Variants in GCSH observed in about 807,000 individuals in gnomAD.
The protein encoded by GCSH is glycine cleavage system protein H.
In GCSH, 15 loss-of-function variants were observed where a neutral mutation model predicts 21.3. That is an observed-to-expected ratio of 0.70 (90% CI 0.47 to 1.08). The LOEUF (loss-of-function observed/expected upper bound fraction) is 1.08, where lower values mean the gene tolerates loss of function less well. Among genes scored for constraint, GCSH ranks in the 50% least tolerant of loss-of-function variants. The pLI is 0.00. For synonymous variants in GCSH, 59 were observed against 84.5 expected (o/e 0.70, Z 1.66); for missense variants, 179 against 217.5 (o/e 0.82, Z 1.11).
chr16:81,084,090 C>T, intron 4 of GCSH: 1 of 333,290 alleles, frequency 3.0e-6, no homozygotes, highest in Non-Finnish European at 5.5e-6. Context: ...AGCAATTCTC[C>T]CACCTCAGCC....
intron 1 of GCSH, chr16:81,091,299 T>C: frequency 5.8e-6 from 2 of 344,678 alleles, no homozygotes; most frequent in Admixed American, 8.6e-5. Context: ...AAGATAGCAC[T>C]ACCATCGCTT....
At chr16:81,087,405 C>G (rs1972305353) in intron 3 of GCSH, among the ~76,000 whole-genome samples, 196 bp downstream of exon 3, 1 of 151,370 alleles carries the variant, frequency 6.6e-6, no homozygotes, top group Non-Finnish European at 1.5e-5. Context: ...GCCTGAGACA[C>G]AAGAATCGCT....
At chr16:81,095,456 C>T (rs1972485273) in intron 1 of GCSH, among the ~76,000 whole-genome samples, 1 of 150,290 alleles carries the variant, frequency 6.7e-6, no homozygotes, top group African/African-American at 2.5e-5. Context: ...GATCTCGGCT[C>T]ACTGCAACCT....
chr16:81,093,616 A>G (rs758932995), intron 1 of GCSH, among the ~76,000 whole-genome samples: 6 of 151,942 alleles, frequency 3.9e-5, no homozygotes, highest in Admixed American at 6.6e-5. Context: ...CGAGGCAGGC[A>G]GATCACCTGA....
Position 81,096,383 on chromosome 16 carries a change from G to C in GCSH, c.-105C>G. 1.0e-6 allele frequency: 1 copy of C among 966,434 alleles called. No homozygotes were observed. Among genetic ancestry groups the C allele is most frequent in the African/African-American group, 1.7e-5 (1 of 57,720 alleles). The allele number at this position is 966,434 out of a possible 1,614,324, so 59.9% of individuals were successfully genotyped here. ...GCCGGAGGGAGCCGGCTGGATGGAG[G>C]CGCGGAGGCGGTGCCGCGGGGGCGG... is the stretch of plus-strand genomic sequence containing the variant. On this transcript the variant is annotated 5_prime_UTR_variant, in exon 1 of 5. Coordinates refer to ENST00000315467, the MANE Select transcript of GCSH (RefSeq NM_004483.5).
intron 3 of GCSH, among the ~76,000 whole-genome samples, chr16:81,085,283 G>T (rs915780032): frequency 6.6e-6 from 1 of 152,252 alleles, no homozygotes; most frequent in South Asian, 2.1e-4. Flanking sequence ...AAAGTGCTGG[G>T]ATTATAACCG....
Position 81,084,444 on chromosome 16 carries a change from A to G in GCSH, c.424+19T>C. 1.3e-6 allele frequency: 2 copies of G among 1,596,450 alleles called. No individual in the cohort carries two copies. Among genetic ancestry groups the G allele is most frequent in the South Asian group, 2.2e-5 (2 of 90,704 alleles). On this transcript the variant is annotated intron_variant, in intron 4 of 4. Coordinates refer to ENST00000315467, the MANE Select transcript of GCSH (RefSeq NM_004483.5). The stretch of plus-strand genomic sequence containing the variant: ...TACTGTAGTAGTAATTCCTTGAGAA[A>G]TTTCTAGCAACAGCTTACCATCTTC...
chr16:81,090,345 TAG>T (rs1477491055), intron 2 of GCSH, among the ~76,000 whole-genome samples: 1 of 151,772 alleles, frequency 6.6e-6, no homozygotes, highest in Non-Finnish European at 1.5e-5. Flanking sequence ...GCCTCCTGAG[TAG>T]CTGGGACCAC....
intron 4 of GCSH, chr16:81,084,030 T>C: frequency 5.1e-6 from 1 of 197,020 alleles, no homozygotes; most frequent in Non-Finnish European, 1.0e-5. Flanking sequence ...TGGAGTGGAG[T>C]GGTGCGATCT....
In GCSH at chr16:81,090,618, T is replaced by G. The variant is rs1972379253; in HGVS notation, c.211A>C (p.Ile71Leu). Residue 71 changes from isoleucine (I) to leucine (L), a missense_variant, in exon 2 of 5, where the codon ATC (isoleucine) becomes CTC (leucine). Ile to Leu is a conservative substitution (Grantham distance 5). Coordinates refer to ENST00000315467, the MANE Select transcript of GCSH (RefSeq NM_004483.5). ...TTENGIGTVG[I>L]SNFAQEALGD... ...TCCAATACCTGTGCAAAATTGCTGA[T>G]TCCCACTGTTCCAATGCCATTTTCT... is the stretch of plus-strand genomic sequence containing the variant. 1.2e-6 allele frequency: 2 copies of G among 1,608,908 alleles called. No individual in the cohort carries two copies. The highest frequency in any genetic ancestry group is 1.7e-6 in the Non-Finnish European group (2 of 1,175,464).
intron 4 of GCSH, 179 bp from the exon 5 acceptor site, chr16:81,083,142 T>C: frequency 1.6e-6 from 1 of 625,960 alleles, no homozygotes. Flanking sequence ...ATATAACAAA[T>C]GAAAATAATT....
intron 1 of GCSH, among the ~76,000 whole-genome samples, chr16:81,091,856 T>TG (rs1972405596): frequency 7.0e-6 from 1 of 143,186 alleles, no homozygotes; most frequent in Non-Finnish European, 1.5e-5. Flanking sequence ...CCTGAGCTCA[T>TG]GATCCTCCCA....
At chr16:81,096,040 C>A in intron 1 of GCSH, 91 bp downstream of exon 1, 1 of 1,086,240 alleles carries the variant, frequency 9.2e-7, no homozygotes. Context: ...GGCTCAGGAG[C>A]GGTGCCCCGG....
chr16:81,096,285 A>AG lies in GCSH; in HGVS notation c.-8dup. The AG allele has an allele frequency of 7.3e-7, 1 of 1,366,964 alleles. No individual in the cohort carries two copies. The highest frequency in any genetic ancestry group is 3.6e-5 in the Admixed American group (1 of 27,602). The allele number at this position is 1,366,964 out of a possible 1,614,324, so 84.7% of individuals were successfully genotyped here. On this transcript the variant is annotated 5_prime_UTR_variant, in exon 1 of 5. Transcript: ENST00000315467. Reference sequence around the variant, plus strand: ...GCACCACTCGCAGCGCCATGTTCGCAGGGGTGCGGGGGTCGCAGCGCTACG... The same window carrying AG: ...GCACCACTCGCAGCGCCATGTTCGCAGGGGGTGCGGGGGTCGCAGCGCTACG...
intron 1 of GCSH, among the ~76,000 whole-genome samples, chr16:81,092,243 G>A (rs1206848462): frequency 6.6e-6 from 1 of 151,972 alleles, no homozygotes; most frequent in Non-Finnish European, 1.5e-5. Context: ...ACGGCACCCT[G>A]TACCACTATC....
In GCSH at chr16:81,096,268, C is replaced by A. The variant is rs1316934394; in HGVS notation, c.11G>T (p.Arg4Leu). 6 of 1,366,748 alleles carry A rather than the reference C, an allele frequency of 4.4e-6. No homozygotes were observed. The East Asian group carries it at 1.9e-4, about 42-fold the overall frequency. The allele number at this position is 1,366,748 out of a possible 1,614,324, so 84.7% of individuals were successfully genotyped here. ...CAGGGCCCGCACGCTCCGCACCACTCGCAGCGCCATGTTCGCAGGGGTGCG... is the reference window on the plus strand; with the variant it reads ...CAGGGCCCGCACGCTCCGCACCACTAGCAGCGCCATGTTCGCAGGGGTGCG... MAL[R>L]VVRSVRALLC... Residue 4 changes from arginine (R) to leucine (L), a missense_variant, in exon 1 of 5, where the codon CGA becomes CTA. By Grantham distance (102) the Arg-to-Leu change is moderately radical. Transcript: ENST00000315467.
chr16:81,085,582 C>T (rs1972256975), intron 3 of GCSH, among the ~76,000 whole-genome samples: 1 of 152,154 alleles, frequency 6.6e-6, no homozygotes, highest in Non-Finnish European at 1.5e-5. Context: ...CAATTATAAG[C>T]TCTGGGCCAG....
intron 4 of GCSH, chr16:81,083,242 G>A: frequency 2.5e-6 from 1 of 404,370 alleles, no homozygotes; most frequent in Non-Finnish European, 4.7e-6. Context: ...TAAGGGCCGG[G>A]CACGGTGGCT....
intron 1 of GCSH, among the ~76,000 whole-genome samples, chr16:81,095,162 T>C (rs1196229209): frequency 6.6e-6 from 1 of 151,806 alleles, no homozygotes; most frequent in Non-Finnish European, 1.5e-5. Flanking sequence ...GTAGCACAAA[T>C]GGCCGAAACA....
Sources: allele counts gnomAD v4.1 joint callset (sites outside exome capture counted in the v4.1 genomes callset), GRCh38; gene constraint gnomAD v4.1.1; transcripts MANE v1.5; gene names NCBI Gene and HGNC (gene_info 2026-07-23, HGNC 2026-07-21).